Variants in TCERG1L observed in about 807,000 individuals in gnomAD.
TCERG1L encodes the protein transcription elongation regulator 1 like, also known as transcription elongation regulator 1-like protein.
In TCERG1L, 37 loss-of-function variants were observed where a neutral mutation model predicts 56.3. That is an observed-to-expected ratio of 0.66 (90% confidence interval 0.51 to 0.87). The LOEUF (loss-of-function observed/expected upper bound fraction) is 0.87, where lower values mean the gene tolerates loss of function less well. TCERG1L is among the 40% of genes least tolerant of loss of function. TCERG1L has a pLI of 0.00. For missense variants in TCERG1L, 799 were observed against 774.2 expected (o/e 1.03, Z -0.38); for synonymous variants, 324 against 326.3 (o/e 0.99, Z 0.08).
intron 3 of TCERG1L, among the ~76,000 whole-genome samples, chr10:131,273,112 C>T (rs1165769758): frequency 2.0e-5 from 3 of 152,160 alleles, no homozygotes; most frequent in African/African-American, 4.8e-5. Context: ...ACTCAGGCAG[C>T]GCCACCTTCC....
At chr10:131,276,508 C>G (rs1846394834) in intron 3 of TCERG1L, among the ~76,000 whole-genome samples, 1 of 152,234 alleles carries the variant, frequency 6.6e-6, no homozygotes, top group African/African-American at 2.4e-5. Flanking sequence ...ACACTCACCT[C>G]TCACCTGCCT....
intron 11 of TCERG1L, among the ~76,000 whole-genome samples, chr10:131,097,974 C>T (rs564332719): frequency 2.2e-4 from 34 of 152,208 alleles, no homozygotes; most frequent in Non-Finnish European, 3.8e-4. Context: ...GACCTCATCT[C>T]ATGAGTGCTC....
At chr10:131,100,034 T>G (rs1471996178) in intron 10 of TCERG1L, among the ~76,000 whole-genome samples, 1 of 152,056 alleles carries the variant, frequency 6.6e-6, no homozygotes, top group Non-Finnish European at 1.5e-5. Context: ...CAGCTAATTT[T>G]TTTTGTACTT....
chr10:131,220,972 G>A (rs997427354), intron 4 of TCERG1L, among the ~76,000 whole-genome samples: 7 of 152,174 alleles, frequency 4.6e-5, no homozygotes, highest in African/African-American at 1.4e-4. Context: ...CACTGAGGCA[G>A]CCCCACCCCC....
intron 4 of TCERG1L, among the ~76,000 whole-genome samples, chr10:131,205,735 C>T (rs1447193099): frequency 6.6e-6 from 1 of 152,266 alleles, no homozygotes; most frequent in Non-Finnish European, 1.5e-5. Context: ...CTGAGGTCAC[C>T]TGGTCTTGGA....
intron 4 of TCERG1L, among the ~76,000 whole-genome samples, chr10:131,227,087 T>C (rs1052338200): frequency 3.9e-5 from 6 of 152,208 alleles, no homozygotes; most frequent in Non-Finnish European, 7.3e-5. Flanking sequence ...CACAGGACCC[T>C]GGAGAGAGCG....
chr10:131,173,576 G>A (rs1057191511), intron 4 of TCERG1L, among the ~76,000 whole-genome samples: 3 of 152,250 alleles, frequency 2.0e-5, no homozygotes, highest in Non-Finnish European at 2.9e-5. Context: ...AGGTGCCTGC[G>A]TGCCATCTTC....
At chr10:131,115,619 T>C (rs1346472558) in intron 9 of TCERG1L, among the ~76,000 whole-genome samples, 4 of 126,408 alleles carry the variant, frequency 3.2e-5, no homozygotes, top group African/African-American at 1.1e-4. Flanking sequence ...TCCTTCTGGT[T>C]CCCTGAGGCC....
intron 9 of TCERG1L, among the ~76,000 whole-genome samples, chr10:131,105,443 G>C (rs796132128): frequency 6.6e-6 from 1 of 152,072 alleles, no homozygotes; most frequent in African/African-American, 2.4e-5. Context: ...AATGTCCTGG[G>C]GGGGATACTC....
chr10:131,172,888 A>ATTTT (rs3065371), intron 4 of TCERG1L, among the ~76,000 whole-genome samples: 10 of 135,456 alleles, frequency 7.4e-5, no homozygotes, highest in East Asian at 2.2e-4. Context: ...ATAATCAATG[A>ATTTT]TTTTTTTTTT....
chr10:131,275,632 C>CGTTT (rs1846384922), intron 3 of TCERG1L, among the ~76,000 whole-genome samples: 5 of 152,282 alleles, frequency 3.3e-5, no homozygotes, highest in Admixed American at 2.6e-4. Flanking sequence ...CATTAAGAAA[C>CGTTT]AATGGACGGG....
chr10:131,098,470 A>C, intron 10 of TCERG1L, 46 bp from the exon 11 acceptor site: 1 of 1,519,448 alleles, frequency 6.6e-7, no homozygotes, highest in Non-Finnish European at 8.8e-7. Flanking sequence ...ATTGCATATC[A>C]GAAATGAAAT....
At chr10:131,182,201 C>T (rs766476555) in intron 4 of TCERG1L, among the ~76,000 whole-genome samples, 1 of 152,148 alleles carries the variant, frequency 6.6e-6, no homozygotes, top group Non-Finnish European at 1.5e-5. Context: ...TTGAGTCTGC[C>T]GTGTGAGTGG....
At chr10:131,117,624 A>G (rs1434071465) in intron 8 of TCERG1L, among the ~76,000 whole-genome samples, 1 of 152,138 alleles carries the variant, frequency 6.6e-6, no homozygotes, top group Admixed American at 6.5e-5. Context: ...AGGTGGAACC[A>G]AGGGTGGGGA....
intron 6 of TCERG1L, 77 bp from the exon 7 acceptor site, chr10:131,146,737 G>T: frequency 2.7e-6 from 4 of 1,467,130 alleles, no homozygotes; most frequent in South Asian, 1.5e-5. Context: ...AACTCTCACT[G>T]AAAAAGCCCC....
At chr10:131,295,618 A>C (rs1228009688) in intron 3 of TCERG1L, among the ~76,000 whole-genome samples, 1 of 152,266 alleles carries the variant, frequency 6.6e-6, no homozygotes, top group East Asian at 1.9e-4. Flanking sequence ...ATAACAATAC[A>C]TATTCCTGGG....
chr10:131,117,045 T>C, intron 8 of TCERG1L, 111 bp from the exon 9 acceptor site: 52 of 1,356,734 alleles, frequency 3.8e-5, no homozygotes, highest in Non-Finnish European at 5.1e-5. Flanking sequence ...CACAGTCTCC[T>C]TGACAACTCT....
At chr10:131,285,547 A>AAAAGAAAGAAAGG (rs1846528062) in intron 3 of TCERG1L, among the ~76,000 whole-genome samples, 1 of 141,592 alleles carries the variant, frequency 7.1e-6, no homozygotes, top group Non-Finnish European at 1.5e-5. Flanking sequence ...GAAAAGAAAG[A>AAAAGAAAGAAAGG]AAGGAAGGAA....
intron 4 of TCERG1L, among the ~76,000 whole-genome samples, chr10:131,220,706 G>A (rs1205436009): frequency 8.5e-5 from 13 of 152,100 alleles, no homozygotes; most frequent in Non-Finnish European, 4.4e-5. Context: ...CAGCCAGGCC[G>A]GACCAGGCTG....
Sources: gnomAD v4.1 joint callset for allele counts (sites outside exome capture counted in the v4.1 genomes callset) on GRCh38, gnomAD v4.1.1 for gene constraint, MANE v1.5 for transcripts, NCBI Gene and HGNC (gene_info 2026-07-23, HGNC 2026-07-21) for gene names.